Variants in MAGI1 observed in about 807,000 individuals in gnomAD.
MAGI1 encodes the protein membrane-associated guanylate kinase, WW and PDZ domain-containing protein 1.
Under a neutral mutation model 139.9 loss-of-function variants are expected in MAGI1, and 58 were observed. The observed-to-expected ratio is 0.41, with a 90% confidence interval of 0.34 to 0.52. The LOEUF is 0.52. Among genes scored for constraint, MAGI1 ranks in the 20% least tolerant of loss-of-function variants. MAGI1 has a pLI of 0.12. For missense variants in MAGI1, 1,874 were observed against 1,901.6 expected (o/e 0.99, Z 0.27); for synonymous variants, 812 against 737.9 (o/e 1.10, Z -1.63).
chr3:65,361,435 G>A (rs753621379), intron 21 of MAGI1, 98 bp from the exon 22 acceptor site: 305 of 1,224,636 alleles, frequency 2.5e-4, no homozygotes, highest in Non-Finnish European at 3.3e-4. Flanking sequence ...TGCTTTGGAG[G>A]TGGCAGTGAC....
intron 2 of MAGI1, among the ~76,000 whole-genome samples, chr3:65,582,747 T>G (rs909210072): frequency 2.0e-5 from 3 of 152,186 alleles, no homozygotes; most frequent in African/African-American, 7.2e-5. Flanking sequence ...AGCAGTCATC[T>G]ACTCCAATCA....
rs1382500699 is a variant in MAGI1 at position 65,673,815 on chromosome 3, A to C, written c.314-51727T>G. On this transcript the variant is annotated intron_variant, in intron 1 of 22. Coordinates refer to ENST00000402939, the MANE Select transcript of MAGI1 (RefSeq NM_001033057.2). ...TATGTCTAGTTCAATAAATATTATA[A>C]ATAGGCGTTTCCTATTTCACCTATA... 3.3e-5 allele frequency among the ~76,000 whole-genome samples: 5 copies of C among 152,374 alleles called. No individual in the cohort carries two copies. In the East Asian group the frequency reaches 9.6e-4, roughly 29 times the overall value.
intron 1 of MAGI1, among the ~76,000 whole-genome samples, chr3:65,984,582 T>A (rs148889054): frequency 1.3e-5 from 2 of 148,586 alleles, no homozygotes; most frequent in African/African-American, 5.0e-5. Flanking sequence ...CAGGCTGGAG[T>A]ACAGTGTTAC....
At chr3:65,396,412 T>G (rs1944398783) in intron 13 of MAGI1, among the ~76,000 whole-genome samples, 1 of 152,158 alleles carries the variant, frequency 6.6e-6, no homozygotes, top group South Asian at 2.1e-4. Context: ...ACTAAAACTG[T>G]ACCAACCTCT....
intron 2 of MAGI1, chr3:65,498,969 C>T: frequency 1.0e-6 from 1 of 982,272 alleles, no homozygotes; most frequent in South Asian, 4.7e-5. Context: ...AGTACCATGT[C>T]CCAAACAACT....
intron 1 of MAGI1, among the ~76,000 whole-genome samples, chr3:65,899,111 TTC>T (rs1230138992): frequency 6.6e-6 from 1 of 151,980 alleles, no homozygotes; most frequent in African/African-American, 2.4e-5. Context: ...AGAGACGGGT[TTC>T]GCCATGTTGC....
At chr3:65,632,943 T>C (rs923350552) in intron 1 of MAGI1, among the ~76,000 whole-genome samples, 1 of 152,152 alleles carries the variant, frequency 6.6e-6, no homozygotes, top group Admixed American at 6.5e-5. Context: ...TCTCAAAGTA[T>C]GGTCCCATGA....
intron 2 of MAGI1, among the ~76,000 whole-genome samples, chr3:65,542,488 T>TG (rs2079283756): frequency 6.6e-6 from 1 of 152,172 alleles, no homozygotes; most frequent in Non-Finnish European, 1.5e-5. Context: ...GGCATGACAC[T>TG]ACCTGACTTC....
chr3:65,608,587 C>T (rs1351669592), intron 2 of MAGI1, among the ~76,000 whole-genome samples: 1 of 151,990 alleles, frequency 6.6e-6, no homozygotes, highest in Non-Finnish European at 1.5e-5. Flanking sequence ...CAATGAGATA[C>T]CACTGCACAT....
At chr3:65,515,958 A>G (rs2077852780) in intron 2 of MAGI1, among the ~76,000 whole-genome samples, 1 of 152,222 alleles carries the variant, frequency 6.6e-6, no homozygotes, top group East Asian at 1.9e-4. Context: ...CAGTTCAAAA[A>G]TCTTTACAGG....
intron 7 of MAGI1, among the ~76,000 whole-genome samples, chr3:65,443,463 G>A (rs1001035774): frequency 6.6e-5 from 10 of 152,148 alleles, no homozygotes; most frequent in Non-Finnish European, 1.3e-4. Flanking sequence ...TATCTAAGGC[G>A]GATGATTTTA....
chr3:65,647,188 C>A (rs1024560347), intron 1 of MAGI1, among the ~76,000 whole-genome samples: 1 of 152,084 alleles, frequency 6.6e-6, no homozygotes, highest in African/African-American at 2.4e-5. Flanking sequence ...CAAAGGATAT[C>A]ACTAAAGACC....
intron 1 of MAGI1, among the ~76,000 whole-genome samples, chr3:65,976,650 C>T (rs538800766): frequency 6.6e-6 from 1 of 152,056 alleles, no homozygotes; most frequent in Non-Finnish European, 1.5e-5. Context: ...AAAAAAAGAC[C>T]TTTCTCACTA....
chr3:65,368,029 G>C (rs973477602), intron 18 of MAGI1, among the ~76,000 whole-genome samples: 1 of 152,106 alleles, frequency 6.6e-6, no homozygotes, highest in African/African-American at 2.4e-5. Context: ...TTGTTTTAAT[G>C]AACTTTTACT....
rs541046973 is a variant in MAGI1, at chr3:65,705,419, A to T, written c.314-83331T>A. On this transcript the variant is annotated intron_variant, in intron 1 of 22. Transcript: ENST00000402939. ...ATACCAACAATACATTATCCCTTAAAAAAGCAACTGTGAGCATTCACTGAA... is the reference window on the plus strand; with the variant it reads ...ATACCAACAATACATTATCCCTTAATAAAGCAACTGTGAGCATTCACTGAA... 1.2e-4 allele frequency among the ~76,000 whole-genome samples: 19 copies of T among 152,336 alleles called. No homozygotes were observed. The East Asian group carries it at 3.5e-3, about 28-fold the overall frequency.
At chr3:65,853,407 C>T (rs28638434) in intron 1 of MAGI1, among the ~76,000 whole-genome samples, 20,194 of 152,172 alleles carry the variant, frequency 0.13, 3,963 homozygotes, top group African/African-American at 0.43. Flanking sequence ...AAGATAAGAT[C>T]TTAATTCATT....
chr3:65,541,651 C>T (rs1205396310), intron 2 of MAGI1, among the ~76,000 whole-genome samples: 1 of 152,170 alleles, frequency 6.6e-6, no homozygotes. Context: ...ATCACATAAA[C>T]AGAACCAGTG....
At chr3:65,892,529 C>A (rs1008466011) in intron 1 of MAGI1, among the ~76,000 whole-genome samples, 5 of 152,078 alleles carry the variant, frequency 3.3e-5, no homozygotes, top group African/African-American at 1.2e-4. Flanking sequence ...CCTACCAAAG[C>A]AAATCTAAAG....
At chr3:65,733,365 TTG>T (rs2034392104) in intron 1 of MAGI1, among the ~76,000 whole-genome samples, 1 of 152,220 alleles carries the variant, frequency 6.6e-6, no homozygotes. Context: ...CAGCTGTGTT[TTG>T]TGTTTTTAAA....
Sources: gnomAD v4.1 joint callset for allele counts (sites outside exome capture counted in the v4.1 genomes callset) on GRCh38, gnomAD v4.1.1 for gene constraint, MANE v1.5 for transcripts, NCBI Gene and HGNC (gene_info 2026-07-23, HGNC 2026-07-21) for gene names.